The following PCDH15 variants were observed in gnomAD, a reference collection of about 807,000 sequenced individuals.
PCDH15 encodes the protein protocadherin-15.
A neutral mutation model predicts 178.5 loss-of-function variants in PCDH15; 129 were observed. The ratio of observed to expected loss-of-function variants is 0.72; its 90% CI spans 0.63 to 0.84. The LOEUF is 0.84. Among genes scored for constraint, PCDH15 ranks in the 40% least tolerant of loss-of-function variants. The pLI, the probability that PCDH15 is intolerant of heterozygous loss-of-function variation, is 0.00. For missense variants in PCDH15, 2,230 were observed against 2,099.9 expected (o/e 1.06, Z -1.21); for synonymous variants, 800 against 732.0 (o/e 1.09, Z -1.50).
chr10:55,001,592 G>A (rs1839796287), intron 2 of PCDH15, among the ~76,000 whole-genome samples: 1 of 152,150 alleles, frequency 6.6e-6, no homozygotes, highest in Non-Finnish European at 1.5e-5. Context: ...GGCACCTGGA[G>A]CTGCCCACCC....
At chr10:53,927,396 T>C (rs2610847) in intron 25 of PCDH15, among the ~76,000 whole-genome samples, 113,417 of 151,724 alleles carry the variant, frequency 0.75, 42,850 homozygotes, top group East Asian at 1. Context: ...TATGTTTAAC[T>C]CATCAAATGT....
intron 8 of PCDH15, among the ~76,000 whole-genome samples, chr10:54,254,017 AAC>A (rs2056710742): frequency 6.6e-6 from 1 of 152,106 alleles, no homozygotes; most frequent in Non-Finnish European, 1.5e-5. Context: ...TCTTTGCAGA[AAC>A]ATTTCTGAAA....
chr10:54,779,447 T>TATAC (rs1394341108), intron 1 of PCDH15, among the ~76,000 whole-genome samples: 1 of 131,964 alleles, frequency 7.6e-6, no homozygotes, highest in South Asian at 2.4e-4. Flanking sequence ...TATATATATA[T>TATAC]ACACTCATAT....
intron 3 of PCDH15, chr10:54,452,435 T>A (rs2076537313): frequency 6.6e-6 from 1 of 152,092 alleles, no homozygotes; most frequent in Admixed American, 6.6e-5. Context: ...AAATCAATTA[T>A]CCAGCTATAT....
At chr10:55,488,837 T>C (rs1840354390) in intron 2 of PCDH15, among the ~76,000 whole-genome samples, 1 of 151,488 alleles carries the variant, frequency 6.6e-6, no homozygotes, top group African/African-American at 2.4e-5. Context: ...ATTTACAGCC[T>C]AAAAAGTTTG....
At chr10:54,592,314 T>A (rs1289785944) in intron 2 of PCDH15, among the ~76,000 whole-genome samples, 1 of 151,014 alleles carries the variant, frequency 6.6e-6, no homozygotes. Context: ...CCTCCCTCCT[T>A]CCCTTCCTTC....
At chr10:54,436,679 T>A (rs2075443872) in intron 3 of PCDH15, among the ~76,000 whole-genome samples, 1 of 152,180 alleles carries the variant, frequency 6.6e-6, no homozygotes, top group Non-Finnish European at 1.5e-5. Flanking sequence ...ACACCAAATA[T>A]GCTACAATTA....
chr10:54,715,248 A>G (rs1028562204), intron 1 of PCDH15, among the ~76,000 whole-genome samples: 1 of 152,180 alleles, frequency 6.6e-6, no homozygotes, highest in Non-Finnish European at 1.5e-5. Flanking sequence ...TCCATTAAGA[A>G]ATTACCAATA....
intron 3 of PCDH15, among the ~76,000 whole-genome samples, chr10:54,429,568 A>G (rs1262082396): frequency 6.6e-6 from 1 of 152,112 alleles, no homozygotes; most frequent in Admixed American, 6.6e-5. Flanking sequence ...AAAAAAGACA[A>G]ATTATCTGTT....
chr10:55,148,564 T>A (rs1838598309), intron 2 of PCDH15, among the ~76,000 whole-genome samples: 1 of 151,868 alleles, frequency 6.6e-6, no homozygotes, highest in Non-Finnish European at 1.5e-5. Context: ...GATTTCATCG[T>A]GGCTGGTTAA....
intron 6 of PCDH15, among the ~76,000 whole-genome samples, chr10:54,330,321 T>C (rs1344192353): frequency 1.3e-5 from 2 of 151,888 alleles, no homozygotes; most frequent in African/African-American, 2.4e-5. Flanking sequence ...ACAAGTGATA[T>C]AGCCTATGGC....
intron 2 of PCDH15, among the ~76,000 whole-genome samples, chr10:55,360,047 A>T (rs2131977419): frequency 6.6e-6 from 1 of 152,018 alleles, no homozygotes; most frequent in Middle Eastern, 3.4e-3. Flanking sequence ...TAGGAAGAAC[A>T]AGTTCTAGAG....
intron 2 of PCDH15, among the ~76,000 whole-genome samples, chr10:54,985,901 T>C (rs1243950074): frequency 1.2e-4 from 18 of 152,208 alleles, no homozygotes; most frequent in Non-Finnish European, 1.5e-5. Context: ...ACATGCCTTA[T>C]TTGAATAGAA....
intron 4 of PCDH15, among the ~76,000 whole-genome samples, chr10:54,375,835 AAT>A (rs1180933154): frequency 0.12 from 15,789 of 127,220 alleles, 1,102 homozygotes; most frequent in Middle Eastern, 0.21. Flanking sequence ...TTTGAAATGG[AAT>A]ATATATATAT....
At chr10:55,448,367 C>T (rs771736509) in intron 2 of PCDH15, among the ~76,000 whole-genome samples, 2 of 152,052 alleles carry the variant, frequency 1.3e-5, no homozygotes, top group South Asian at 2.1e-4. Context: ...CAAGATTCAC[C>T]TATATTTTCA....
intron 8 of PCDH15, among the ~76,000 whole-genome samples, chr10:54,300,650 G>A (rs868617105): frequency 5.3e-5 from 8 of 152,152 alleles, no homozygotes; most frequent in South Asian, 4.1e-4. Flanking sequence ...CTTCTGGGTC[G>A]GATGGGGGCT....
intron 2 of PCDH15, among the ~76,000 whole-genome samples, chr10:55,616,960 A>C (rs1046045949): frequency 5.9e-5 from 9 of 152,084 alleles, no homozygotes; most frequent in African/African-American, 2.2e-4. Flanking sequence ...ACATTATAAT[A>C]TATTAAAGAC....
intron 3 of PCDH15, among the ~76,000 whole-genome samples, chr10:54,520,729 A>T (rs993857884): frequency 1.6e-4 from 24 of 151,490 alleles, no homozygotes; most frequent in African/African-American, 5.1e-4. Flanking sequence ...TACCCAAAGG[A>T]CTATAAATCA....
chr10:53,951,586 T>G (rs1759745319), intron 23 of PCDH15, among the ~76,000 whole-genome samples: 1 of 152,236 alleles, frequency 6.6e-6, no homozygotes, highest in African/African-American at 2.4e-5. Context: ...GTGGAAGATT[T>G]GTTACAATTT....
Sources: gnomAD v4.1 joint callset for allele counts (sites outside exome capture counted in the v4.1 genomes callset) on GRCh38, gnomAD v4.1.1 for gene constraint, MANE v1.5 for transcripts, NCBI Gene and HGNC (gene_info 2026-07-23, HGNC 2026-07-21) for gene names.